CFDP1: variants seen among roughly 807,000 people sequenced by gnomAD.
The protein encoded by CFDP1 is heterochromatin-stabilizing protein CFDP1.
Under a neutral mutation model 40.1 loss-of-function variants are expected in CFDP1, and 31 were observed. The observed-to-expected ratio is 0.77, with a 90% CI of 0.58 to 1.04. The LOEUF is 1.04. CFDP1 is among the 50% of genes least tolerant of loss of function. The pLI is 0.00. For missense variants in CFDP1, 423 were observed against 343.4 expected (o/e 1.23, Z -1.83); for synonymous variants, 167 against 120.0 (o/e 1.39, Z -2.56).
chr16:75,412,458 G>A (rs1207158987), intron 3 of CFDP1, 77 bp downstream of exon 3: 7 of 1,137,158 alleles, frequency 6.2e-6, no homozygotes, highest in African/African-American at 1.5e-5. Context: ...GCATCTGGTC[G>A]ATTTCCGTAG....
chr16:75,307,508 C>T (rs751462377), intron 5 of CFDP1, among the ~76,000 whole-genome samples: 7 of 151,632 alleles, frequency 4.6e-5, no homozygotes, highest in African/African-American at 7.3e-5. Context: ...TGAGCCACTG[C>T]GCCCAGGCCC....
intron 4 of CFDP1, among the ~76,000 whole-genome samples, chr16:75,407,303 G>C (rs1158517807): frequency 2.0e-5 from 3 of 152,086 alleles, no homozygotes; most frequent in Non-Finnish European, 4.4e-5. Context: ...AAAAATGCAA[G>C]TTAGAAACCT....
At chr16:75,424,173 A>G (rs1313287611) in intron 1 of CFDP1, among the ~76,000 whole-genome samples, 1 of 152,212 alleles carries the variant, frequency 6.6e-6, no homozygotes, top group African/African-American at 2.4e-5. Context: ...GATAAAAGGA[A>G]TCTCTGAGGG....
At chr16:75,369,138 G>C (rs778466709) in intron 5 of CFDP1, among the ~76,000 whole-genome samples, 1 of 152,124 alleles carries the variant, frequency 6.6e-6, no homozygotes, top group African/African-American at 2.4e-5. Flanking sequence ...TTGCTCAAAA[G>C]TCCAAAGTAA....
At chr16:75,357,686 T>C (rs1450838753) in intron 5 of CFDP1, among the ~76,000 whole-genome samples, 1 of 152,206 alleles carries the variant, frequency 6.6e-6, no homozygotes, top group Non-Finnish European at 1.5e-5. Context: ...AGGCTTTGGC[T>C]TAAGGGAATG....
At chr16:75,381,092 G>A (rs2078848303) in intron 5 of CFDP1, 1 of 152,086 alleles carries the variant, frequency 6.6e-6, no homozygotes, top group East Asian at 1.9e-4. Context: ...TGTAAACTTA[G>A]GAAATGATTA....
At chr16:75,416,616 T>C (rs2079208941) in intron 1 of CFDP1, among the ~76,000 whole-genome samples, 2 of 152,108 alleles carry the variant, frequency 1.3e-5, no homozygotes, top group South Asian at 4.2e-4. Flanking sequence ...AAAAATTAGC[T>C]GGGCTTGGTG....
chr16:75,296,778 G>T (rs1207728915), intron 6 of CFDP1, among the ~76,000 whole-genome samples: 1 of 152,176 alleles, frequency 6.6e-6, no homozygotes, highest in Non-Finnish European at 1.5e-5. Context: ...CCAGACAAAG[G>T]CCATCAAGGC....
intron 5 of CFDP1, among the ~76,000 whole-genome samples, chr16:75,354,700 T>C (rs2078635473): frequency 6.6e-6 from 1 of 150,694 alleles, no homozygotes; most frequent in Admixed American, 6.7e-5. Flanking sequence ...AAGGGAAAAG[T>C]GCTGTTTTAA....
intron 5 of CFDP1, among the ~76,000 whole-genome samples, chr16:75,356,155 T>A (rs1195762983): frequency 6.6e-6 from 1 of 152,218 alleles, no homozygotes; most frequent in Non-Finnish European, 1.5e-5. Flanking sequence ...ATAAACTCTG[T>A]CCAGATTCAT....
At chr16:75,382,220 G>C in intron 5 of CFDP1, among the ~76,000 whole-genome samples, 1 of 151,940 alleles carries the variant, frequency 6.6e-6, no homozygotes. Context: ...TATTGGGATA[G>C]AGTTGTGTTC....
At chr16:75,368,912 A>C (rs2151537824) in intron 5 of CFDP1, among the ~76,000 whole-genome samples, 1 of 152,086 alleles carries the variant, frequency 6.6e-6, no homozygotes, top group East Asian at 1.9e-4. Context: ...ATACTTACAC[A>C]TTTTCATTGT....
intron 5 of CFDP1, among the ~76,000 whole-genome samples, chr16:75,341,884 T>A (rs1446469944): frequency 1.3e-5 from 2 of 152,142 alleles, no homozygotes; most frequent in East Asian, 3.8e-4. Context: ...GCTGGAGCAA[T>A]CAAAAGACCT....
rs16943927 is a variant in CFDP1 at position 75,411,680 on chromosome 16, T to A, written c.530+145A>T. On this transcript the variant is annotated intron_variant, in intron 4 of 6. Coordinates refer to ENST00000283882, the MANE Select transcript of CFDP1 (RefSeq NM_006324.3). ...ACCTTTCTCATACTCCCTGGTAATT[T>A]ATAGAGCCAGTTTTCCTTGAGTTCA... The A allele has an allele frequency of 7.1e-3, 5,619 of 795,020 alleles. 58 individuals carry two copies. The highest frequency in any genetic ancestry group is 0.026 in the South Asian group (1,512 of 58,024). The allele number at this position is 795,020 out of a possible 1,614,324, so 49.2% of individuals were successfully genotyped here.
intron 5 of CFDP1, among the ~76,000 whole-genome samples, chr16:75,387,214 C>T (rs1048930666): frequency 1.3e-4 from 20 of 151,488 alleles, no homozygotes; most frequent in South Asian, 8.3e-4. Context: ...AATCTCGGCT[C>T]ACTGCAAGCT....
In CFDP1 at chr16:75,412,698, G is replaced by C. The variant is rs771679838; in HGVS notation, c.239C>G (p.Ser80Ter). Residue 80 changes from serine (S) to a stop codon, truncating the protein, a stop_gained, in exon 3 of 7, where the codon TCA (serine) becomes TGA (stop). Transcript: ENST00000283882. LOFTEE classifies it high-confidence loss of function. ...LEEEEEEDAN[S>*]ESEGSSSEEE... is the part of the protein sequence containing the mutation. ...CTCACTACTGCTTCCCTCAGATTCT[G>C]AATTGGCATCCTCCTCTTCCTCTTC... 6.2e-7 allele frequency: 1 copy of C among 1,614,000 alleles called. No individual in the cohort carries two copies. Among genetic ancestry groups the C allele is most frequent in the Non-Finnish European group, 8.5e-7 (1 of 1,180,020 alleles).
At chr16:75,332,668 T>C (rs1457264247) in intron 5 of CFDP1, among the ~76,000 whole-genome samples, 1 of 151,398 alleles carries the variant, frequency 6.6e-6, no homozygotes, top group Non-Finnish European at 1.5e-5. Context: ...AAACCCTGTC[T>C]TGGGGAAGGA....
intron 5 of CFDP1, among the ~76,000 whole-genome samples, chr16:75,367,218 T>C (rs1173606935): frequency 6.6e-6 from 1 of 151,160 alleles, no homozygotes; most frequent in Non-Finnish European, 1.5e-5. Flanking sequence ...ACATTTGTAT[T>C]TGGATGAATT....
intron 5 of CFDP1, among the ~76,000 whole-genome samples, chr16:75,328,678 A>G (rs1034516796): frequency 1.3e-5 from 2 of 150,742 alleles, no homozygotes; most frequent in Admixed American, 1.3e-4. Context: ...CAGTATAATA[A>G]GCATAATTTT....
Sources: gnomAD v4.1 joint callset for allele counts (sites outside exome capture counted in the v4.1 genomes callset) on GRCh38, gnomAD v4.1.1 for gene constraint, MANE v1.5 for transcripts, NCBI Gene and HGNC (gene_info 2026-07-23, HGNC 2026-07-21) for gene names.